The following TMTC3 variants were observed in gnomAD, a reference collection of about 807,000 sequenced individuals.
The protein encoded by TMTC3 is transmembrane O-mannosyltransferase targeting cadherins 3.
Under a neutral mutation model 92.2 loss-of-function variants are expected in TMTC3, and 52 were observed. The ratio of observed to expected loss-of-function variants is 0.56; its 90% CI spans 0.45 to 0.71. TMTC3 has a LOEUF of 0.71. Ranked by LOEUF, TMTC3 falls within the 30% of genes least tolerant of loss-of-function variation. The pLI, the probability that TMTC3 is intolerant of heterozygous loss-of-function variation, is 0.00. For missense variants in TMTC3, 896 were observed against 1,057.1 expected, an observed-to-expected ratio of 0.85 and a Z score of 2.11; for synonymous variants, 339 against 363.3, an observed-to-expected ratio of 0.93 and a Z score of 0.76.
At chr12:88,156,863 A>C (rs1275236718) in intron 4 of TMTC3, among the ~76,000 whole-genome samples, 2 of 122,850 alleles carry the variant, frequency 1.6e-5, no homozygotes, top group Non-Finnish European at 3.5e-5. Context: ...TTTCCCTCTT[A>C]CTTACCTTTT....
At chr12:88,155,328 G>A (rs1383055569) in intron 4 of TMTC3, among the ~76,000 whole-genome samples, 1 of 152,128 alleles carries the variant, frequency 6.6e-6, no homozygotes, top group Non-Finnish European at 1.5e-5. Context: ...TCCCCTACCT[G>A]TGCAGTGCAT....
Position 88,197,500 on chromosome 12 carries a change from G to A in TMTC3, c.*1851G>A, listed in dbSNP as rs753512869. On this transcript the variant is annotated 3_prime_UTR_variant, in exon 14 of 14. Transcript: ENST00000266712. ...ATCTTTCTTAAGGAAAAGTTTCTGA[G>A]TGTGATCTCTCTTTTGCCATAGTAT... 4 of 152,144 alleles carry A rather than the reference G, an allele frequency of 2.6e-5. No individual in the cohort carries two copies. Among genetic ancestry groups the A allele is most frequent in the African/African-American group, 4.8e-5 (2 of 41,374 alleles). 9.4% of individuals were successfully genotyped at this position (152,144 alleles called of 1,614,324 possible). A position where few individuals can be genotyped will look rare whatever the true frequency, so the allele number is the denominator to read the frequency against.
At chr12:88,174,855 T>C (rs2041242464) in intron 9 of TMTC3, 128 bp downstream of exon 9, 2 of 1,158,616 alleles carry the variant, frequency 1.7e-6, no homozygotes, top group East Asian at 5.1e-5. Flanking sequence ...ACTAAAAGAT[T>C]AATGAAAATA....
intron 7 of TMTC3, 141 bp downstream of exon 7, chr12:88,166,723 G>T: frequency 1.0e-6 from 1 of 953,962 alleles, no homozygotes. Context: ...ACGTATTTGA[G>T]TTTATCCCAA....
At chr12:88,161,451 A>C (rs1275244297) in intron 6 of TMTC3, among the ~76,000 whole-genome samples, 1 of 152,082 alleles carries the variant, frequency 6.6e-6, no homozygotes, top group Non-Finnish European at 1.5e-5. Flanking sequence ...TTTATTTATA[A>C]AGAGGATTTC....
intron 13 of TMTC3, 84 bp downstream of exon 13, chr12:88,192,914 C>A: frequency 8.9e-7 from 1 of 1,128,424 alleles, no homozygotes; most frequent in Non-Finnish European, 1.2e-6. Flanking sequence ...TTACCCATAG[C>A]AAACACTTTA....
rs955282284 is a variant in TMTC3 at position 88,197,494 on chromosome 12, TTC to T, written c.*1847_*1848del. 1 of 152,264 alleles carries T rather than the reference TTC, an allele frequency of 6.6e-6. No individual in the cohort carries two copies. Among genetic ancestry groups the T allele is most frequent in the Non-Finnish European group, 1.5e-5 (1 of 67,854 alleles). The allele number at this position is 152,264 out of a possible 1,614,324, so 9.4% of individuals were successfully genotyped here. A position where few individuals can be genotyped will look rare whatever the true frequency, so the allele number is the denominator to read the frequency against. On this transcript the variant is annotated 3_prime_UTR_variant, in exon 14 of 14. Coordinates refer to ENST00000266712, the MANE Select transcript of TMTC3 (RefSeq NM_181783.4). ...CCATGTATCTTTCTTAAGGAAAAGTTTCTGAGTGTGATCTCTCTTTTGCCATA... is the reference window on the plus strand; with the variant it reads ...CCATGTATCTTTCTTAAGGAAAAGTTTGAGTGTGATCTCTCTTTTGCCATA...
At chr12:88,165,972 C>T (rs1175138665) in intron 6 of TMTC3, among the ~76,000 whole-genome samples, 5 of 152,076 alleles carry the variant, frequency 3.3e-5, no homozygotes, top group African/African-American at 1.2e-4. Context: ...ACACATACAA[C>T]CATAAATCTT....
chr12:88,195,016 T>G lies in TMTC3; in HGVS notation c.2112T>G (p.Ala704=), dbSNP rs759833933. ...AGTTACAAGCCGACTTCCGAAGTGC[T>G]TTGTTTAATCTGGCTCTCCTGTATT... ...AIKLQADFRS[A]LFNLALLYSQ... Residue 704 remains alanine, a synonymous_variant, in exon 14 of 14, where the codon GCT becomes GCG. Coordinates refer to ENST00000266712, the MANE Select transcript of TMTC3 (RefSeq NM_181783.4). 3.4e-5 allele frequency: 55 copies of G among 1,613,844 alleles called. No homozygotes were observed. Among genetic ancestry groups the G allele is most frequent in the Non-Finnish European group, 4.5e-5 (53 of 1,179,898 alleles).
At chr12:88,177,561 G>T (rs377247169) in intron 10 of TMTC3, among the ~76,000 whole-genome samples, 3 of 152,174 alleles carry the variant, frequency 2.0e-5, no homozygotes, top group Non-Finnish European at 4.4e-5. Flanking sequence ...GTGGATCTGA[G>T]GAATTGTTGG....
chr12:88,181,568 G>A (rs1383694568), intron 10 of TMTC3, among the ~76,000 whole-genome samples: 1 of 152,102 alleles, frequency 6.6e-6, no homozygotes, highest in South Asian at 2.1e-4. Context: ...GCAGTGAGCT[G>A]TGGGCTCGAG....
intron 10 of TMTC3, among the ~76,000 whole-genome samples, chr12:88,183,044 A>G (rs2041335964): frequency 6.6e-6 from 1 of 152,186 alleles, no homozygotes; most frequent in Non-Finnish European, 1.5e-5. Context: ...CATTTGCCAG[A>G]CTTTTGGGAA....
chr12:88,185,109 A>C (rs1260003247), intron 10 of TMTC3, among the ~76,000 whole-genome samples: 1 of 152,162 alleles, frequency 6.6e-6, no homozygotes, highest in Non-Finnish European at 1.5e-5. Flanking sequence ...TACATGTTTA[A>C]AATACATAAT....
chr12:88,166,400 A>G lies in TMTC3; in HGVS notation c.868A>G (p.Asn290Asp). ...QLTFNYLLPV[N>D]AWLLLNPSEL... is the part of the protein sequence containing the mutation. ...AACTTTTAACTACCTCCTTCCTGTG[A>G]ATGCTTGGTTGTTATTAAATCCTTC... The change falls in exon 7 of 14, where the codon AAT becomes GAT. Residue 290 changes from asparagine (N) to aspartate (D), a missense_variant. Physicochemically the swap from Asn to Asp is conservative, Grantham distance 23 (BLOSUM62 1). Coordinates refer to ENST00000266712, the MANE Select transcript of TMTC3 (RefSeq NM_181783.4). The G allele has an allele frequency of 6.2e-7, 1 of 1,613,948 alleles. No homozygotes were observed. The highest frequency in any genetic ancestry group is 8.5e-7 in the Non-Finnish European group (1 of 1,179,932).
chr12:88,194,104 C>A (rs1355477669), intron 13 of TMTC3, among the ~76,000 whole-genome samples: 3 of 152,046 alleles, frequency 2.0e-5, no homozygotes, highest in African/African-American at 7.2e-5. Context: ...TGCCTGTAGT[C>A]CCAGCTACTC....
intron 2 of TMTC3, 135 bp from the exon 3 acceptor site, chr12:88,153,156 C>A (rs970646894): frequency 8.4e-6 from 5 of 593,888 alleles, no homozygotes; most frequent in African/African-American, 5.6e-5. Flanking sequence ...GTTACTCTTA[C>A]GACATTTCAT....
Position 88,192,735 on chromosome 12 carries a change from C to T in TMTC3, c.1838C>T (p.Pro613Leu), listed in dbSNP as rs749323387. The T allele has an allele frequency of 4.3e-6, 7 of 1,613,396 alleles. No homozygotes were observed. In the South Asian group the frequency reaches 7.7e-5, roughly 18 times the overall value. ...LAIVHIELKE[P>L]NEALKNFNRA... is the part of the protein sequence containing the mutation. ...ATTGTACATATTGAACTTAAAGAAC[C>T]AAATGAAGCCCTAAAAAACTTTAAT... Residue 613 changes from proline to leucine, a missense_variant, in exon 13 of 14, where the codon CCA becomes CTA. By Grantham distance (98) the Pro-to-Leu change is moderately conservative. Coordinates refer to ENST00000266712, the MANE Select transcript of TMTC3 (RefSeq NM_181783.4).
At chr12:88,194,413 A>G (rs2041483555) in intron 13 of TMTC3, among the ~76,000 whole-genome samples, 1 of 152,202 alleles carries the variant, frequency 6.6e-6, no homozygotes, top group Non-Finnish European at 1.5e-5. Context: ...ACAACATACA[A>G]TTATTAGAAA....
At chr12:88,186,918 C>A (rs575199339) in intron 10 of TMTC3, among the ~76,000 whole-genome samples, 1 of 152,136 alleles carries the variant, frequency 6.6e-6, no homozygotes, top group South Asian at 2.1e-4. Flanking sequence ...ATTCTAAGAG[C>A]ATGATTTCAA....
Sources: gnomAD v4.1 joint callset for allele counts (sites outside exome capture counted in the v4.1 genomes callset) on GRCh38, gnomAD v4.1.1 for gene constraint, MANE v1.5 for transcripts, NCBI Gene and HGNC (gene_info 2026-07-23, HGNC 2026-07-21) for gene names.